Variants in SPON2 observed in about 807,000 individuals in gnomAD.
The protein encoded by SPON2 is spondin 2.
SPON2 carries 32 observed loss-of-function variants against 29.9 expected under a neutral mutation model. The observed-to-expected ratio is 1.07, with a 90% CI of 0.81 to 1.44. The LOEUF (loss-of-function observed/expected upper bound fraction) is 1.44, where lower values mean the gene tolerates loss of function less well. Ranked by LOEUF, SPON2 falls within the 40% of genes most tolerant of loss-of-function variation. The pLI is 0.00. For missense variants in SPON2, 541 were observed against 455.5 expected, an observed-to-expected ratio of 1.19 and a Z score of -1.71; for synonymous variants, 248 against 209.1, an observed-to-expected ratio of 1.19 and a Z score of -1.61.
rs1728236891 is a variant in SPON2 at position 1,202,483 on chromosome 4, CAT to C, written c.-234+5395_-234+5396del. ...CAGCATTCTCTAGAGGGACAGGACTCATAGGATACATGAACAGGGGATGATCT... is the reference window on the plus strand; with the variant it reads ...CAGCATTCTCTAGAGGGACAGGACTCAGGATACATGAACAGGGGATGATCT... On this transcript the variant is annotated intron_variant, in intron 1 of 3. Coordinates refer to the SPON2 transcript ENST00000509233. This position sits in a 1 kb window ranked among gnomAD's most constrained non-coding sequence, Gnocchi z 5.4. Among the ~76,000 whole-genome samples the C allele has an allele frequency of 6.6e-6, 1 of 152,192 alleles. No individual in the cohort carries two copies.
At chr4:1,181,394 G>T (rs985646301) in intron 1 of SPON2, among the ~76,000 whole-genome samples, 1 of 152,180 alleles carries the variant, frequency 6.6e-6, no homozygotes, top group African/African-American at 2.4e-5. Flanking sequence ...AGACTGAAAT[G>T]AAAGAACACA....
In SPON2 at chr4:1,201,195, C is replaced by G. The variant is rs192775057; in HGVS notation, c.-234+6685G>C. 1.7e-4 allele frequency: 78 copies of G among 446,542 alleles called. 2 individuals carry two copies. The highest frequency in any genetic ancestry group is 1.2e-3 in the South Asian group (76 of 63,880). The allele number at this position is 446,542 out of a possible 1,614,324, so 27.7% of individuals were successfully genotyped here. ...CCCCAGTTCCTCCAGCCCCTCCCCC[C>G]GCAGTATGTGGGCAGTGACAAAGAG... On this transcript the variant is annotated intron_variant, in intron 1 of 3. Coordinates refer to the SPON2 transcript ENST00000509233.
Position 1,202,579 on chromosome 4 carries a change from C to A in SPON2, c.-234+5301G>T, listed in dbSNP as rs977475746. Among the ~76,000 whole-genome samples the A allele has an allele frequency of 6.6e-6, 1 of 152,046 alleles. No individual in the cohort carries two copies. Among genetic ancestry groups the A allele is most frequent in the Non-Finnish European group, 1.5e-5 (1 of 67,988 alleles). ...GCCCCCACGGCTTCTGTGGGCTCAG[C>A]CCACTCAGTGCTCATGGGTCGGAGT... On this transcript the variant is annotated intron_variant, in intron 1 of 3. Coordinates refer to the SPON2 transcript ENST00000509233. The surrounding 1 kb of genome is among the most constrained non-coding windows in gnomAD (Gnocchi z 5.4).
At chr4:1,167,751 A>G (rs1727293325) in intron 5 of SPON2, 95 bp from the exon 6 acceptor site, 6 of 1,364,008 alleles carry the variant, frequency 4.4e-6, no homozygotes, top group Non-Finnish European at 4.9e-6. Flanking sequence ...TGCATTCATC[A>G]GAGGCCACGC....
At chr4:1,170,920 C>T (rs1184248628) in intron 4 of SPON2, 79 bp downstream of exon 4, 1 of 1,516,648 alleles carries the variant, frequency 6.6e-7, no homozygotes, top group African/African-American at 1.4e-5. Flanking sequence ...GGCTGGGAGG[C>T]GAGGGTGCAG....
chr4:1,200,018 CCA>C (rs1728157784), upstream of SPON2: 1 of 152,266 alleles, frequency 6.6e-6, no homozygotes, highest in Non-Finnish European at 1.5e-5. Flanking sequence ...GAAATCACCT[CCA>C]GTTATTCCAG....
At chr4:1,188,392 GTTAA>G (rs1727845265) in intron 1 of SPON2, among the ~76,000 whole-genome samples, 1 of 152,112 alleles carries the variant, frequency 6.6e-6, no homozygotes, top group African/African-American at 2.4e-5. Flanking sequence ...TCAACTAAAT[GTTAA>G]TTAAACACTC....
chr4:1,207,709 C>T (rs1438673533), intron 1 of SPON2, among the ~76,000 whole-genome samples: 3 of 152,204 alleles, frequency 2.0e-5, no homozygotes, highest in Admixed American at 6.5e-5. Flanking sequence ...CCATGCGCCG[C>T]GCTTACAGAT....
chr4:1,167,249 G>C lies in SPON2; in HGVS notation c.*223C>G, dbSNP rs1363923091. On this transcript the variant is annotated 3_prime_UTR_variant, in exon 6 of 6. Coordinates refer to ENST00000290902, the MANE Select transcript of SPON2 (RefSeq NM_012445.4). ...AGGAGGCTGAGAGCAGACGGGACAC[G>C]GGGGCCCCTAAGAAGCAAGGTTGGG... 1 of 513,424 alleles carries C rather than the reference G, an allele frequency of 1.9e-6. No homozygotes were observed. The highest frequency in any genetic ancestry group is 3.4e-6 in the Non-Finnish European group (1 of 290,636). The allele number at this position is 513,424 out of a possible 1,614,324, so 31.8% of individuals were successfully genotyped here. A position where few individuals can be genotyped will look rare whatever the true frequency, so the allele number is the denominator to read the frequency against.
At position 1,202,482 on chromosome 4, in the gene SPON2, T is replaced by A. The variant is rs1463838234; in HGVS notation, c.-234+5398A>T. Among the ~76,000 whole-genome samples, 1 of 152,190 alleles carries A rather than the reference T, an allele frequency of 6.6e-6. No individual in the cohort carries two copies. The highest frequency in any genetic ancestry group is 1.5e-5 in the Non-Finnish European group (1 of 68,028). On this transcript the variant is annotated intron_variant, in intron 1 of 3. Transcript: ENST00000509233. This position sits in a 1 kb window ranked among gnomAD's most constrained non-coding sequence, Gnocchi z 5.4. ...TCAGCATTCTCTAGAGGGACAGGAC[T>A]CATAGGATACATGAACAGGGGATGA... is the stretch of plus-strand genomic sequence containing the variant.
At chr4:1,195,350 C>T (rs1279928929), upstream of SPON2, among the ~76,000 whole-genome samples, 1 of 152,110 alleles carries the variant, frequency 6.6e-6, no homozygotes, top group African/African-American at 2.4e-5. Flanking sequence ...GCAACAGGAC[C>T]GGCCCCCTGG....
intron 1 of SPON2, among the ~76,000 whole-genome samples, chr4:1,194,830 G>A (rs1300293905): frequency 1.3e-5 from 2 of 151,672 alleles, no homozygotes; most frequent in Non-Finnish European, 2.9e-5. Flanking sequence ...CCTCACAGCC[G>A]GCGGTTCCAA....
At chr4:1,193,774 T>C (rs1487882502) in intron 1 of SPON2, among the ~76,000 whole-genome samples, 1 of 6,704 alleles carries the variant, frequency 1.5e-4, no homozygotes, top group African/African-American at 7.5e-4. Context: ...ACGTGGGGGG[T>C]GGCGTGGGAA....
chr4:1,171,149 G>A lies in SPON2; in HGVS notation c.486C>T (p.Phe162=), dbSNP rs1487207964. 1.3e-6 allele frequency: 2 copies of A among 1,553,508 alleles called. No individual in the cohort carries two copies. The highest frequency in any genetic ancestry group is 8.7e-7 in the Non-Finnish European group (1 of 1,149,418). The change falls in exon 4 of 6, where the codon TTC becomes TTT. Residue 162 remains phenylalanine (F), a synonymous_variant. Coordinates refer to ENST00000290902, the MANE Select transcript of SPON2 (RefSeq NM_012445.4). The stretch of plus-strand genomic sequence containing the variant: ...ACAGGTCCAGGCTGTCCACGCCCAC[G>A]AACCAGTCGGGGCTGGGCACGATGC... ...VVRIVPSPDW[F]VGVDSLDLCD... is the part of the protein sequence containing the mutation.
In SPON2 at chr4:1,167,442, G is replaced by A. The variant is rs954204031; in HGVS notation, c.*30C>T. The A allele has an allele frequency of 6.3e-7, 1 of 1,597,162 alleles. No homozygotes were observed. Among genetic ancestry groups the A allele is most frequent in the Admixed American group, 1.7e-5 (1 of 58,872 alleles). The stretch of plus-strand genomic sequence containing the variant: ...GAGCCCCCGACACCCCATGGCTCCG[G>A]GGGGCCCCAGGGGCTGCGGGGCTCT... On this transcript the variant is annotated 3_prime_UTR_variant, in exon 6 of 6. Coordinates refer to ENST00000290902, the MANE Select transcript of SPON2 (RefSeq NM_012445.4).
chr4:1,182,295 A>G (rs73067788), intron 1 of SPON2, among the ~76,000 whole-genome samples: 3 of 152,212 alleles, frequency 2.0e-5, no homozygotes, highest in Non-Finnish European at 4.4e-5. Context: ...AAAGACTTTA[A>G]AACAACTGTC....
chr4:1,176,813 CCA>C (rs558117173), upstream of SPON2, among the ~76,000 whole-genome samples: 418 of 141,404 alleles, frequency 3.0e-3, 2 homozygotes, highest in African/African-American at 0.011. Context: ...ATGCAATCAT[CCA>C]CAGTTCATTC....
chr4:1,168,455 A>C (rs541723744), intron 5 of SPON2, among the ~76,000 whole-genome samples: 1 of 152,352 alleles, frequency 6.6e-6, no homozygotes, highest in Non-Finnish European at 1.5e-5. Flanking sequence ...AAGGGGGTCA[A>C]TGTGCAGGTG....
chr4:1,202,105 C>T lies in SPON2; in HGVS notation c.-234+5775G>A, dbSNP rs181707081. On this transcript the variant is annotated intron_variant, in intron 1 of 3. Transcript: ENST00000509233. The surrounding 1 kb of genome is among the most constrained non-coding windows in gnomAD (Gnocchi z 5.4). ...CCTGTGCCTGTTAGCAACCGCTCCC[C>T]GCCACGGTTTGAGTGAGGCCACAAC... Among the ~76,000 whole-genome samples, 626 of 152,348 alleles carry T rather than the reference C, an allele frequency of 4.1e-3. 7 individuals are homozygous for T. Among genetic ancestry groups the T allele is most frequent in the Non-Finnish European group, 7.5e-3 (512 of 68,026 alleles).
Sources: gnomAD v4.1 joint callset for allele counts (sites outside exome capture counted in the v4.1 genomes callset) on GRCh38, gnomAD v4.1.1 for gene constraint, Gnocchi (gnomAD v3.1) non-coding constraint, MANE v1.5 for transcripts, NCBI Gene and HGNC (gene_info 2026-07-23, HGNC 2026-07-21) for gene names.